Variants in OBP2B observed in about 807,000 individuals in gnomAD.
OBP2B encodes the protein odorant-binding protein 2b.
OBP2B carries 10 observed loss-of-function variants against 21.7 expected under a neutral mutation model. The observed-to-expected ratio is 0.46, with a 90% CI of 0.28 to 0.78. OBP2B has a LOEUF of 0.78. Among genes scored for constraint, OBP2B ranks in the 30% least tolerant of loss-of-function variants. The pLI, the probability that OBP2B is intolerant of heterozygous loss-of-function variation, is 0.11. For missense variants in OBP2B, 153 were observed against 217.7 expected, an observed-to-expected ratio of 0.70 and a Z score of 1.87; for synonymous variants, 73 against 91.5, an observed-to-expected ratio of 0.80 and a Z score of 1.16.
intron 6 of OBP2B, chr9:133,205,688 C>T (rs1273590700): frequency 2.9e-5 from 19 of 644,326 alleles, no homozygotes; most frequent in African/African-American, 2.4e-4. Context: ...GTGGAAAGGC[C>T]GAGGAGGACC....
chr9:133,207,509 G>A (rs1833769921), intron 3 of OBP2B, among the ~76,000 whole-genome samples, 173 bp from the exon 4 acceptor site: 1 of 152,296 alleles, frequency 6.6e-6, no homozygotes, highest in South Asian at 2.1e-4. Flanking sequence ...CTCTCAGGAA[G>A]GTCCCAATGC....
chr9:133,220,444 C>T, the OBP2B span, among the ~76,000 whole-genome samples: 3 of 152,188 alleles, frequency 2.0e-5, no homozygotes, highest in African/African-American at 7.2e-5. Flanking sequence ...ATTGCCAGTT[C>T]CCCCCATGGG....
upstream of OBP2B, among the ~76,000 whole-genome samples, chr9:133,213,320 G>A (rs1833939142): frequency 6.6e-6 from 1 of 152,112 alleles, no homozygotes; most frequent in African/African-American, 2.4e-5. Context: ...GCATATATTA[G>A]AAAAGAGAAG....
chr9:133,218,567 T>A, the OBP2B span, among the ~76,000 whole-genome samples: 1 of 152,190 alleles, frequency 6.6e-6, no homozygotes, highest in East Asian at 1.9e-4. Context: ...TGGACCTAAC[T>A]GTCCCACCAC....
Position 133,207,330 on chromosome 9 carries a change from C to G in OBP2B, c.284G>C (p.Gly95Ala). Reference protein sequence around the residue: ...EEPGKYSAYGGRKLMYLQELP... With the variant: ...EEPGKYSAYGARKLMYLQELP... Reference sequence around the variant, plus strand: ...CTCCTGCAGGTACATGAGCTTCCTGCCCCCATCTGTAGATGACAGAGAAAA... The same window carrying G: ...CTCCTGCAGGTACATGAGCTTCCTGGCCCCATCTGTAGATGACAGAGAAAA... Residue 95 changes from glycine (G) to alanine (A), a missense_variant, in exon 4 of 7, where the codon GGC (glycine) becomes GCC (alanine). Around this residue, in one of 2 missense-constraint regions of OBP2B, gnomAD observed 151 missense variants for 186.3 expected, o/e 0.81. Coordinates refer to ENST00000372034, the MANE Select transcript of OBP2B (RefSeq NM_014581.4). 6.2e-7 allele frequency: 1 copy of G among 1,606,622 alleles called. No homozygotes were observed. The highest frequency in any genetic ancestry group is 1.1e-5 in the South Asian group (1 of 90,860).
chr9:133,219,034 T>C, the OBP2B span, among the ~76,000 whole-genome samples: 2 of 152,310 alleles, frequency 1.3e-5, no homozygotes, highest in East Asian at 1.9e-4. Flanking sequence ...GATGCCAAGA[T>C]AAGAACTGTC....
rs200011986 is a variant in OBP2B at position 133,208,157 on chromosome 9, C to T, written c.253G>A (p.Glu85Lys). Residue 85 changes from glutamate (E) to lysine (K), a missense_variant, in exon 3 of 7, where the codon GAG becomes AAG. Around this residue, in one of 2 missense-constraint regions of OBP2B, gnomAD observed 151 missense variants for 186.3 expected, o/e 0.81. Coordinates refer to ENST00000372034, the MANE Select transcript of OBP2B (RefSeq NM_014581.4). ...CAGGCGCTGTATTTGCCAGGCTCCT[C>T]CGTCTTCCGCATCAGGATTTTCTTC... ...IQKKILMRKTEEPGKYSAYGG... is the reference protein window; with the variant it reads ...IQKKILMRKTKEPGKYSAYGG... 3.1e-6 allele frequency: 5 copies of T among 1,611,614 alleles called. No individual in the cohort carries two copies. The highest frequency in any genetic ancestry group is 2.7e-5 in the African/African-American group (2 of 74,766).
At chr9:133,207,155 G>C in intron 4 of OBP2B, 71 bp downstream of exon 4, 1 of 1,063,812 alleles carries the variant, frequency 9.4e-7, no homozygotes, top group Non-Finnish European at 1.5e-6. Context: ...GGGCATGGTG[G>C]TGCTGGTTCC....
At chr9:133,215,091 T>C in the OBP2B span, among the ~76,000 whole-genome samples, 2 of 152,126 alleles carry the variant, frequency 1.3e-5, no homozygotes, top group Non-Finnish European at 2.9e-5. Context: ...GGTTGCAGGA[T>C]ACAAGATAAA....
chr9:133,207,292 C>T lies in OBP2B; in HGVS notation c.322G>A (p.Asp108Asn), dbSNP rs1833758122. ...TCTTTGCAGTAAAAGATGTAGTGGT[C>T]CCTCCTGGGCAGCTCCTGCAGGTAC... The part of the protein sequence containing the change: ...LMYLQELPRR[D>N]HYIFYCKDQH... The change falls in exon 4 of 7, where the codon GAC becomes AAC. Residue 108 changes from aspartate (D) to asparagine (N), a missense_variant. Transcript: ENST00000372034. 6.8e-6 allele frequency: 11 copies of T among 1,613,736 alleles called. No homozygotes were observed. The highest frequency in any genetic ancestry group is 4.2e-6 in the Non-Finnish European group (5 of 1,179,854).
intron 3 of OBP2B, among the ~76,000 whole-genome samples, chr9:133,207,634 C>G (rs1833776102): frequency 6.6e-6 from 1 of 152,048 alleles, no homozygotes; most frequent in Admixed American, 6.5e-5. Context: ...CCCCCTCAGC[C>G]TCCCCATCTC....
the OBP2B span, among the ~76,000 whole-genome samples, chr9:133,215,979 T>A: frequency 5.6e-3 from 858 of 152,228 alleles, 8 homozygotes; most frequent in African/African-American, 0.02. Flanking sequence ...CTTAAAACTA[T>A]AAAAGCTTTA....
intron 3 of OBP2B, chr9:133,207,925 C>G: frequency 6.5e-7 from 1 of 1,534,100 alleles, no homozygotes; most frequent in South Asian, 1.2e-5. Flanking sequence ...GTGATCTGGT[C>G]CATCTCGACT....
At chr9:133,221,163 T>C in the OBP2B span, among the ~76,000 whole-genome samples, 1 of 152,216 alleles carries the variant, frequency 6.6e-6, no homozygotes, top group African/African-American at 2.4e-5. Context: ...TAAGACCCCA[T>C]GCACCATCGG....
the OBP2B span, among the ~76,000 whole-genome samples, chr9:133,220,863 G>A: frequency 1.3e-5 from 2 of 152,220 alleles, no homozygotes; most frequent in African/African-American, 4.8e-5. Context: ...AGAGAGGAGG[G>A]TGAGGAGAGA....
Position 133,207,719 on chromosome 9 carries a change from AGCTTCCCGATCCCTAACCCTTG to A in OBP2B, c.277+392_278-384del, listed in dbSNP as rs2119395191. Reference sequence around the variant, plus strand: ...CTCGGCCTCCTCATCCCTAACCCTCAGCTTCCCGATCCCTAACCCTTGGCCCCCGTCCCTAACCCTCAGCCTC... The same window carrying A: ...CTCGGCCTCCTCATCCCTAACCCTCAGCCCCCGTCCCTAACCCTCAGCCTC... On this transcript the variant is annotated intron_variant, in intron 3 of 6. Coordinates refer to ENST00000372034, the MANE Select transcript of OBP2B (RefSeq NM_014581.4). The A allele has an allele frequency of 4.9e-6, 3 of 612,128 alleles. No individual in the cohort carries two copies. In the East Asian group the frequency reaches 1.3e-4, roughly 27 times the overall value. The allele number at this position is 612,128 out of a possible 1,614,324, so 37.9% of individuals were successfully genotyped here.
At chr9:133,211,477 CA>C (rs1833916282), upstream of OBP2B, among the ~76,000 whole-genome samples, 1 of 152,228 alleles carries the variant, frequency 6.6e-6, no homozygotes, top group African/African-American at 2.4e-5. Context: ...GACGTATTCA[CA>C]GCTTCCCACC....
Position 133,207,288 on chromosome 9 carries a change from TG to T in OBP2B, c.325del (p.His109ThrfsTer99), listed in dbSNP as rs782635554. On this transcript the variant is annotated frameshift_variant, in exon 4 of 7. Coordinates refer to ENST00000372034, the MANE Select transcript of OBP2B (RefSeq NM_014581.4). LOFTEE classifies it high-confidence loss of function. ...CTGGTCTTTGCAGTAAAAGATGTAGTGGTCCCTCCTGGGCAGCTCCTGCAGG... is the reference window on the plus strand; with the variant it reads ...CTGGTCTTTGCAGTAAAAGATGTAGTGTCCCTCCTGGGCAGCTCCTGCAGG... ...MYLQELPRRD[H>X]YIFYCKDQHH... The T allele has an allele frequency of 6.2e-7, 1 of 1,613,858 alleles. No individual in the cohort carries two copies. The highest frequency in any genetic ancestry group is 1.7e-5 in the Admixed American group (1 of 60,016).
chr9:133,222,600 T>C, the OBP2B span, among the ~76,000 whole-genome samples: 1 of 152,084 alleles, frequency 6.6e-6, no homozygotes, highest in Non-Finnish European at 1.5e-5. Flanking sequence ...TGGAGGCACG[T>C]GCCTGTAATC....
Sources: gnomAD v4.1 joint callset for allele counts (sites outside exome capture counted in the v4.1 genomes callset) on GRCh38, gnomAD v4.1.1 for gene constraint, gnomAD v4.1.1 regional missense constraint, MANE v1.5 for transcripts, NCBI Gene and HGNC (gene_info 2026-07-23, HGNC 2026-07-21) for gene names.